Variants in GART observed in about 807,000 individuals in gnomAD.
GART encodes the protein trifunctional purine biosynthetic protein adenosine-3.
GART carries 43 observed loss-of-function variants against 107.2 expected under a neutral mutation model. The observed-to-expected ratio is 0.40, with a 90% CI of 0.31 to 0.52. The LOEUF (loss-of-function observed/expected upper bound fraction) is 0.52, where lower values mean the gene tolerates loss of function less well. GART is among the 20% of genes least tolerant of loss of function. The pLI is 0.52. For missense variants in GART, 1,107 were observed against 1,206.5 expected (o/e 0.92, Z 1.22); for synonymous variants, 434 against 427.0 (o/e 1.02, Z -0.20).
chr21:33,526,534 C>T (rs888573646), intron 10 of GART, among the ~76,000 whole-genome samples: 6 of 151,340 alleles, frequency 4.0e-5, no homozygotes, highest in Non-Finnish European at 8.8e-5. Flanking sequence ...TTTTCTTTTT[C>T]GATTTTTTTT....
chr21:33,531,158 G>C lies in GART; in HGVS notation c.598-274C>G, dbSNP rs2085180868. The stretch of plus-strand genomic sequence containing the variant: ...GATTTCAACCTTTCCCCCACTTTAA[G>C]CTTCCAGGCATTAAAACTTGGTTTA... On this transcript the variant is annotated intron_variant, in intron 6 of 21. Coordinates refer to ENST00000381815, the MANE Select transcript of GART (RefSeq NM_000819.5). The C allele has an allele frequency of 1.0e-5, 4 of 389,680 alleles. No homozygotes were observed. In the East Asian group the frequency reaches 1.8e-4, roughly 17 times the overall value. The allele number at this position is 389,680 out of a possible 1,614,324, so 24.1% of individuals were successfully genotyped here. A position where few individuals can be genotyped will look rare whatever the true frequency, so the allele number is the denominator to read the frequency against.
At chr21:33,534,106 C>T (rs1427162523) in intron 4 of GART, among the ~76,000 whole-genome samples, 1 of 152,208 alleles carries the variant, frequency 6.6e-6, no homozygotes, top group Admixed American at 6.5e-5. Flanking sequence ...TGGAAAACGA[C>T]AACCCACATA....
chr21:33,540,512 A>G (rs566051679), intron 1 of GART, among the ~76,000 whole-genome samples: 1 of 152,320 alleles, frequency 6.6e-6, no homozygotes, highest in Admixed American at 6.5e-5. Context: ...AATATGCTAG[A>G]ATATTGGTAG....
Position 33,520,920 on chromosome 21 carries a change from C to CA in GART, c.1488dup (p.Gly497TrpfsTer3). 6.2e-7 allele frequency: 1 copy of CA among 1,612,172 alleles called. No individual in the cohort carries two copies. Among genetic ancestry groups the CA allele is most frequent in the Non-Finnish European group, 8.5e-7 (1 of 1,179,244 alleles). On this transcript the variant is annotated frameshift_variant, in exon 13 of 22. Coordinates refer to ENST00000381815, the MANE Select transcript of GART (RefSeq NM_000819.5). LOFTEE classifies it high-confidence loss of function. ...TGTCTGATTACCTTTAGTTTAGTTC[C>CA]AACGCCATCTGTTCCAGAGGCCAGA...
chr21:33,540,314 G>A (rs1196288089), intron 1 of GART, among the ~76,000 whole-genome samples: 1 of 152,140 alleles, frequency 6.6e-6, no homozygotes, highest in Non-Finnish European at 1.5e-5. Context: ...AACGTGACTC[G>A]CTTTCAATAA....
chr21:33,508,394 T>C (rs1283535607), intron 18 of GART, among the ~76,000 whole-genome samples: 1 of 152,102 alleles, frequency 6.6e-6, no homozygotes, highest in Non-Finnish European at 1.5e-5. Context: ...TGTTGTATAA[T>C]GGTGGGGACT....
intron 10 of GART, among the ~76,000 whole-genome samples, chr21:33,527,668 AAG>A (rs2085099980): frequency 6.6e-6 from 1 of 152,104 alleles, no homozygotes; most frequent in Non-Finnish European, 1.5e-5. Context: ...ACTTTATATA[AAG>A]AGAGAGAGAA....
Position 33,516,138 on chromosome 21 carries a change from C to T in GART, c.2107+851G>A, listed in dbSNP as rs191247312. Among the ~76,000 whole-genome samples the T allele has an allele frequency of 4.2e-3, 624 of 150,294 alleles. 8 individuals carry two copies. Among genetic ancestry groups the T allele is most frequent in the African/African-American group, 0.014 (570 of 40,890 alleles). ...TGGCGGGTGCCTGTAATCCTAGCTA[C>T]TTGGGAGGCTGAGGCAGGATAATCG... On this transcript the variant is annotated intron_variant, in intron 16 of 21. Coordinates refer to ENST00000381815, the MANE Select transcript of GART (RefSeq NM_000819.5).
In GART at chr21:33,528,537, A is replaced by G; in HGVS notation, c.879T>C (p.Phe293=). ...GPKVLEFNCR[F]GDPECQVILP... ...TACCCACTTGGCACTCTGGATCACC[A>G]AAACGGCAATTAAACTCTAGAACTT... Residue 293 remains phenylalanine (F), a synonymous_variant, in exon 9 of 22, where the codon TTT becomes TTC. Coordinates refer to ENST00000381815, the MANE Select transcript of GART (RefSeq NM_000819.5). The G allele has an allele frequency of 6.2e-7, 1 of 1,610,828 alleles. No individual in the cohort carries two copies. The highest frequency in any genetic ancestry group is 1.3e-5 in the African/African-American group (1 of 74,726).
intron 10 of GART, among the ~76,000 whole-genome samples, chr21:33,525,896 G>C (rs1012068010): frequency 1.4e-5 from 2 of 143,170 alleles, no homozygotes; most frequent in African/African-American, 5.2e-5. Flanking sequence ...TTGAGACAGA[G>C]TCTCGCTCTG....
intron 3 of GART, 66 bp from the exon 4 acceptor site, chr21:33,534,819 G>T (rs948697988): frequency 1.4e-6 from 2 of 1,382,660 alleles, no homozygotes; most frequent in South Asian, 1.4e-5. Flanking sequence ...GCCTGAAGAC[G>T]AATTAGTATC....
At chr21:33,522,576 G>A (rs939649282) in intron 11 of GART, among the ~76,000 whole-genome samples, 5 of 152,102 alleles carry the variant, frequency 3.3e-5, no homozygotes, top group African/African-American at 1.2e-4. Context: ...ACTTCTCACA[G>A]GCTGCTAAAT....
chr21:33,518,901 G>A, intron 14 of GART: 1 of 521,640 alleles, frequency 1.9e-6, no homozygotes. Flanking sequence ...TGGTGAAAGT[G>A]TTCACTGCCC....
At chr21:33,531,432 C>G in intron 6 of GART, 57 bp downstream of exon 6, 1 of 1,464,562 alleles carries the variant, frequency 6.8e-7, no homozygotes. Flanking sequence ...CTGGGGTACA[C>G]AGGTCAGATG....
intron 19 of GART, 62 bp from the exon 20 acceptor site, chr21:33,505,764 C>A: frequency 6.9e-7 from 1 of 1,449,116 alleles, no homozygotes; most frequent in South Asian, 1.3e-5. Context: ...ATTAAAAACT[C>A]AACCTTTACA....
At chr21:33,518,981 C>A in intron 14 of GART, 1 of 342,790 alleles carries the variant, frequency 2.9e-6, no homozygotes, top group South Asian at 2.6e-5. Context: ...ACATACTCAC[C>A]CCTTCAATAC....
intron 14 of GART, chr21:33,519,047 CTG>C: frequency 3.4e-6 from 1 of 290,144 alleles, no homozygotes; most frequent in Non-Finnish European, 6.9e-6. Flanking sequence ...TTATCATCTG[CTG>C]TAGCTGAACC....
At position 33,524,854 on chromosome 21, in the gene GART, T is replaced by C; in HGVS notation, c.1213A>G (p.Lys405Glu). The change falls in exon 11 of 22, where the codon AAA becomes GAA. Residue 405 changes from lysine (K) to glutamate (E), a missense_variant. Coordinates refer to ENST00000381815, the MANE Select transcript of GART (RefSeq NM_000819.5). ...TCAAACTTTATAGCAGCTAGTCCTT[T>C]CTTGGCTTCCTCAAGGGCTGATATG... ...NLISALEEAK[K>E]GLAAIKFEGA... is the part of the protein sequence containing the mutation. The C allele has an allele frequency of 6.2e-7, 1 of 1,614,240 alleles. No individual in the cohort carries two copies.
At chr21:33,512,752 C>T (rs1000779640) in intron 16 of GART, among the ~76,000 whole-genome samples, 5 of 46,902 alleles carry the variant, frequency 1.1e-4, no homozygotes, top group Non-Finnish European at 1.8e-4. Context: ...CCATGCCTGG[C>T]TATTTAAAAA....
Sources: gnomAD v4.1 joint callset for allele counts (sites outside exome capture counted in the v4.1 genomes callset) on GRCh38, gnomAD v4.1.1 for gene constraint, MANE v1.5 for transcripts, NCBI Gene and HGNC (gene_info 2026-07-23, HGNC 2026-07-21) for gene names.